TRIM23: variants seen among roughly 807,000 people sequenced by gnomAD.
TRIM23 encodes the protein tripartite motif containing 23.
In TRIM23, 27 loss-of-function variants were observed where a neutral mutation model predicts 71.0. That is an observed-to-expected ratio of 0.38 (90% CI 0.28 to 0.52). The LOEUF is 0.52. TRIM23 is among the 20% of genes least tolerant of loss of function. The probability of loss-of-function intolerance (pLI) is 0.84; values close to 1 mark genes in which losing one functional copy is unlikely to be tolerated. For missense variants in TRIM23, 482 were observed against 692.3 expected (o/e 0.70, Z 3.41); for synonymous variants, 234 against 238.0 (o/e 0.98, Z 0.16).
At chr5:65,597,561 T>C (rs928313834) in intron 7 of TRIM23, among the ~76,000 whole-genome samples, 9 of 152,170 alleles carry the variant, frequency 5.9e-5, no homozygotes, top group Non-Finnish European at 1.3e-4. Flanking sequence ...ATCTGATGTA[T>C]ATCCCTCCAG....
chr5:65,621,915 C>G (rs1408594545), intron 1 of TRIM23, among the ~76,000 whole-genome samples: 1 of 151,766 alleles, frequency 6.6e-6, no homozygotes, highest in Non-Finnish European at 1.5e-5. Context: ...GCAGCCTTGA[C>G]CTCCCAAGCT....
rs377913 is a variant in TRIM23, at chr5:65,606,451, C to A, written c.1045-1406G>T. Among the ~76,000 whole-genome samples, 75 of 145,954 alleles carry A rather than the reference C, an allele frequency of 5.1e-4. No individual in the cohort carries two copies. The East Asian group carries it at 0.015, about 28-fold the overall frequency. ...GGAGCAAGACCCTGTCCCCAACCCA[C>A]TCCTCCCGCCCCCGGCCAAAAAAAA... On this transcript the variant is annotated intron_variant, in intron 6 of 10. Transcript: ENST00000231524.
chr5:65,596,403 G>A lies in TRIM23; in HGVS notation c.1420+18C>T, dbSNP rs1276245302. The A allele has an allele frequency of 1.3e-6, 2 of 1,497,248 alleles. No individual in the cohort carries two copies. Among genetic ancestry groups the A allele is most frequent in the African/African-American group, 1.4e-5 (1 of 72,166 alleles). 92.7% of individuals were successfully genotyped at this position (1,497,248 alleles called of 1,614,324 possible). On this transcript the variant is annotated intron_variant, in intron 9 of 10. Transcript: ENST00000231524. ...ATCCTAAAAATGTGAAAAATTAAAT[G>A]TCATTTTTAACTCTCACCTTGAGTA...
intron 6 of TRIM23, among the ~76,000 whole-genome samples, chr5:65,606,721 T>C (rs1754518134): frequency 6.6e-6 from 1 of 152,208 alleles, no homozygotes; most frequent in South Asian, 2.1e-4. Flanking sequence ...ACTTTTTACT[T>C]GAATCTTTGC....
Position 65,618,174 on chromosome 5 carries a change from C to CT in TRIM23, c.162_163insA (p.Val55SerfsTer4). 6.2e-7 allele frequency: 1 copy of CT among 1,614,032 alleles called. No homozygotes were observed. On this transcript the variant is annotated frameshift_variant, in exon 2 of 11. Transcript: ENST00000231524. LOFTEE classifies it high-confidence loss of function. ...AGGCGAGTGAGACAGTCATGACAGA[C>CT]GGTATGGCCACAAAGCAAAAGACGG...
intron 9 of TRIM23, among the ~76,000 whole-genome samples, chr5:65,595,557 C>CA (rs34701696): frequency 0.013 from 1,220 of 93,352 alleles, 21 homozygotes; most frequent in African/African-American, 0.041. Context: ...GACTCGATCT[C>CA]AAAAAAAAAA....
At chr5:65,615,596 C>T (rs1046336131) in intron 2 of TRIM23, among the ~76,000 whole-genome samples, 1 of 151,816 alleles carries the variant, frequency 6.6e-6, no homozygotes, top group Non-Finnish European at 1.5e-5. Context: ...CTATCCTCAG[C>T]CTTGCCCCTA....
At chr5:65,598,519 G>T (rs751740617) in intron 7 of TRIM23, among the ~76,000 whole-genome samples, 5 of 152,174 alleles carry the variant, frequency 3.3e-5, no homozygotes, top group African/African-American at 1.2e-4. Flanking sequence ...GGCCGAGGTT[G>T]GGGGTGGATC....
At chr5:65,594,062 A>G (rs1015552949) in intron 10 of TRIM23, among the ~76,000 whole-genome samples, 1 of 152,186 alleles carries the variant, frequency 6.6e-6, no homozygotes, top group Non-Finnish European at 1.5e-5. Flanking sequence ...CTCTACTGAG[A>G]CCTGACATAT....
Position 65,594,547 on chromosome 5 carries a change from G to T in TRIM23, c.1519C>A (p.Leu507Met). The change falls in exon 10 of 11, where the codon CTG becomes ATG. Residue 507 changes from leucine (L) to methionine (M), a missense_variant. Leu to Met is a conservative substitution (Grantham distance 15). Transcript: ENST00000231524. ...TGTTTGTTAGCAAAAATCAGGAGCA[G>T]AGCATCTCGGAGTTCTTTTTCCGTT... ...LLTEKELRDA[L>M]LLIFANKQDV... 4 of 1,612,010 alleles carry T rather than the reference G, an allele frequency of 2.5e-6. No individual in the cohort carries two copies. Among genetic ancestry groups the T allele is most frequent in the Non-Finnish European group, 2.5e-6 (3 of 1,179,334 alleles).
chr5:65,611,771 T>C lies in TRIM23; in HGVS notation c.477A>G (p.Thr159=). 3 of 1,614,200 alleles carry C rather than the reference T, an allele frequency of 1.9e-6. No individual in the cohort carries two copies. The highest frequency in any genetic ancestry group is 2.5e-6 in the Non-Finnish European group (3 of 1,180,024). The change falls in exon 4 of 11, where the codon ACA becomes ACG. Residue 159 remains threonine, a synonymous_variant. Coordinates refer to ENST00000231524, the MANE Select transcript of TRIM23 (RefSeq NM_001656.4). The part of the protein sequence containing the change: ...ECSQVTHSTK[T]LAKHRRVPLA... The stretch of plus-strand genomic sequence containing the variant: ...GAGGAACTCGCCTGTGCTTTGCTAA[T>C]GTCTTTGTAGAATGAGTAACTTGAG...
In TRIM23 at chr5:65,590,430, G is replaced by T; in HGVS notation, c.*1339C>A. Reference sequence around the variant, plus strand: ...TTTTAAACAAAAATAGATTTGAAAAGAATGAACCACAACAGTGCTACCAAA... The same window carrying T: ...TTTTAAACAAAAATAGATTTGAAAATAATGAACCACAACAGTGCTACCAAA... On this transcript the variant is annotated 3_prime_UTR_variant, in exon 11 of 11. Coordinates refer to ENST00000231524, the MANE Select transcript of TRIM23 (RefSeq NM_001656.4). 2 of 1,357,548 alleles carry T rather than the reference G, an allele frequency of 1.5e-6. No individual in the cohort carries two copies. The highest frequency in any genetic ancestry group is 2.1e-5 in the South Asian group (1 of 47,846). 84.1% of individuals were successfully genotyped at this position (1,357,548 alleles called of 1,614,324 possible).
In TRIM23 at chr5:65,591,648, T is replaced by TATATAC; in HGVS notation, c.*120_*121insGTATAT. 12 of 780,070 alleles carry TATATAC rather than the reference T, an allele frequency of 1.5e-5. No individual in the cohort carries two copies. Among genetic ancestry groups the TATATAC allele is most frequent in the Non-Finnish European group, 2.0e-5 (12 of 590,042 alleles). The allele number at this position is 780,070 out of a possible 1,614,324, so 48.3% of individuals were successfully genotyped here. Reference sequence around the variant, plus strand: ...GAATTCCCAATCCAAGATTCCTTTATATATATATATATATATATGCATCCT... The same window carrying TATATAC: ...GAATTCCCAATCCAAGATTCCTTTATATATACATATATATATATATATATGCATCCT... On this transcript the variant is annotated 3_prime_UTR_variant, in exon 11 of 11. Transcript: ENST00000231524.
Position 65,597,102 on chromosome 5 carries a change from T to C in TRIM23, c.1258A>G (p.Ile420Val), listed in dbSNP as rs1186303352. 3.7e-6 allele frequency: 6 copies of C among 1,614,180 alleles called. No individual in the cohort carries two copies. The highest frequency in any genetic ancestry group is 3.3e-5 in the Admixed American group (2 of 60,022). Reference sequence around the variant, plus strand: ...TCATCCTGTTTTAACTTAAACAAGATAGTAGTTTTTCCAGCACCATCCAAT... The same window carrying C: ...TCATCCTGTTTTAACTTAAACAAGACAGTAGTTTTTCCAGCACCATCCAAT... ...LGLDGAGKTT[I>V]LFKLKQDEFM... The change falls in exon 8 of 11, where the codon ATC becomes GTC. Residue 420 changes from isoleucine to valine, a missense_variant. Coordinates refer to ENST00000231524, the MANE Select transcript of TRIM23 (RefSeq NM_001656.4).
Position 65,618,201 on chromosome 5 carries a change from G to C in TRIM23, c.136C>G (p.Pro46Ala). ...DVFSLQGDKV[P>A]RLLLCGHTVC... The stretch of plus-strand genomic sequence containing the variant: ...GTATGGCCACAAAGCAAAAGACGGG[G>C]AACTTTGTCTCCTTGCAAAGAAAAG... The change falls in exon 2 of 11, where the codon CCC becomes GCC. Residue 46 changes from proline to alanine, a missense_variant. By Grantham distance (27) the Pro-to-Ala change is conservative. This residue lies in a region of TRIM23 where 175 missense variants were observed against 196.5 expected (regional missense o/e 0.89). Coordinates refer to ENST00000231524, the MANE Select transcript of TRIM23 (RefSeq NM_001656.4). The C allele has an allele frequency of 1.9e-6, 3 of 1,613,988 alleles. No homozygotes were observed. The highest frequency in any genetic ancestry group is 2.5e-6 in the Non-Finnish European group (3 of 1,179,958).
intron 10 of TRIM23, among the ~76,000 whole-genome samples, chr5:65,592,713 C>A (rs533283863): frequency 1.4e-4 from 22 of 152,298 alleles, no homozygotes; most frequent in Non-Finnish European, 2.6e-4. Flanking sequence ...CATGCACACT[C>A]ATGCAAAGAG....
At chr5:65,622,080 A>G (rs1426552603) in intron 1 of TRIM23, among the ~76,000 whole-genome samples, 2 of 151,830 alleles carry the variant, frequency 1.3e-5, no homozygotes, top group Non-Finnish European at 2.9e-5. Context: ...CAATCCTCCC[A>G]CCTCAGCCTC....
rs377136807 is a variant in TRIM23 at position 65,591,457 on chromosome 5, G to A, written c.*312C>T. ...ATAAACCTTCACTTACCCTTTCTCT[G>A]TGACTACCTCTTTCCCAGTATATTG... On this transcript the variant is annotated 3_prime_UTR_variant, in exon 11 of 11. Coordinates refer to ENST00000231524, the MANE Select transcript of TRIM23 (RefSeq NM_001656.4). The A allele has an allele frequency of 6.4e-5, 102 of 1,592,262 alleles. No individual in the cohort carries two copies. The highest frequency in any genetic ancestry group is 8.2e-5 in the Non-Finnish European group (96 of 1,170,810).
At chr5:65,603,401 G>A (rs71626587) in intron 7 of TRIM23, among the ~76,000 whole-genome samples, 7,472 of 152,212 alleles carry the variant, frequency 0.049, 333 homozygotes, top group African/African-American at 0.1. Flanking sequence ...GCTACAGAGT[G>A]ATGTTTAGGA....
Sources: allele counts gnomAD v4.1 joint callset (sites outside exome capture counted in the v4.1 genomes callset), GRCh38; gene constraint gnomAD v4.1.1; regional missense constraint gnomAD v4.1.1; transcripts MANE v1.5; gene names NCBI Gene and HGNC (gene_info 2026-07-23, HGNC 2026-07-21).